The following SGCZ variants were observed in gnomAD, a reference collection of about 807,000 sequenced individuals.
SGCZ encodes sarcoglycan zeta.
A neutral mutation model predicts 41.3 loss-of-function variants in SGCZ; 40 were observed. That is an observed-to-expected ratio of 0.97 (90% CI 0.75 to 1.26). The LOEUF is 1.26. SGCZ is among the 50% of genes most tolerant of loss of function. The pLI is 0.00. For missense variants in SGCZ, 552 were observed against 369.8 expected (o/e 1.49, Z -4.04); for synonymous variants, 206 against 137.5 (o/e 1.50, Z -3.49).
intron 1 of SGCZ, among the ~76,000 whole-genome samples, chr8:14,862,503 C>T (rs543009300): frequency 5.7e-5 from 8 of 140,062 alleles, no homozygotes; most frequent in East Asian, 4.3e-4. Flanking sequence ...ATTTCCAAGT[C>T]GCCTTTTATG....
At chr8:14,403,130 C>A (rs1368061204) in intron 2 of SGCZ, among the ~76,000 whole-genome samples, 2 of 149,980 alleles carry the variant, frequency 1.3e-5, no homozygotes, top group African/African-American at 5.1e-5. Context: ...GATTTTTGTA[C>A]ATTGATTTTG....
intron 1 of SGCZ, among the ~76,000 whole-genome samples, chr8:14,726,181 C>T (rs1470208700): frequency 6.7e-6 from 1 of 150,350 alleles, no homozygotes; most frequent in Non-Finnish European, 1.5e-5. Flanking sequence ...ATCACTTGAA[C>T]CTGGGAGGGA....
chr8:15,136,563 G>C (rs780980392), intron 1 of SGCZ, among the ~76,000 whole-genome samples: 78 of 152,242 alleles, frequency 5.1e-4, no homozygotes, highest in Middle Eastern at 6.8e-3. Context: ...GGAGGAACCA[G>C]CTGGAGGTAA....
At chr8:15,106,347 A>G (rs1338472610) in intron 1 of SGCZ, among the ~76,000 whole-genome samples, 2 of 152,116 alleles carry the variant, frequency 1.3e-5, no homozygotes, top group Admixed American at 1.3e-4. Context: ...TTGACATTAT[A>G]TACATATTAC....
intron 4 of SGCZ, among the ~76,000 whole-genome samples, chr8:14,201,656 AG>A (rs1805459335): frequency 6.6e-6 from 1 of 152,184 alleles, no homozygotes; most frequent in Non-Finnish European, 1.5e-5. Context: ...TTGACTACCA[AG>A]GGGCATAATG....
intron 2 of SGCZ, among the ~76,000 whole-genome samples, chr8:14,485,973 C>A (rs1801662319): frequency 6.6e-6 from 1 of 151,808 alleles, no homozygotes; most frequent in South Asian, 2.1e-4. Context: ...TCCCGAGTAG[C>A]TGGGACTACA....
chr8:14,577,258 T>G (rs540713397), intron 1 of SGCZ, among the ~76,000 whole-genome samples: 1 of 152,346 alleles, frequency 6.6e-6, no homozygotes, highest in African/African-American at 2.4e-5. Flanking sequence ...TACTGCTGTT[T>G]TTCTGCTCGA....
At chr8:14,260,353 T>C (rs1421737062) in intron 3 of SGCZ, among the ~76,000 whole-genome samples, 7 of 149,700 alleles carry the variant, frequency 4.7e-5, no homozygotes, top group Admixed American at 1.3e-4. Flanking sequence ...ACAATGCTCA[T>C]CATCACTGGC....
intron 4 of SGCZ, among the ~76,000 whole-genome samples, chr8:14,203,691 G>A (rs1397130694): frequency 6.6e-6 from 1 of 152,140 alleles, no homozygotes; most frequent in Non-Finnish European, 1.5e-5. Context: ...ATTAAACATG[G>A]CCTTTATAGT....
chr8:14,481,485 T>C (rs976825686), intron 2 of SGCZ, among the ~76,000 whole-genome samples: 5 of 152,214 alleles, frequency 3.3e-5, no homozygotes, highest in African/African-American at 1.2e-4. Flanking sequence ...AAATAATTTT[T>C]ATCAATCTCA....
intron 1 of SGCZ, among the ~76,000 whole-genome samples, chr8:14,715,008 G>C (rs1367641083): frequency 6.6e-6 from 1 of 152,024 alleles, no homozygotes; most frequent in African/African-American, 2.4e-5. Context: ...CAATGGTCTG[G>C]TTTTGCCTAA....
intron 1 of SGCZ, among the ~76,000 whole-genome samples, chr8:14,567,909 C>G (rs1047374988): frequency 2.0e-5 from 3 of 152,184 alleles, no homozygotes; most frequent in Non-Finnish European, 2.9e-5. Flanking sequence ...CCGAACACAT[C>G]CAAACATCAG....
chr8:14,556,569 C>G (rs1200862447), intron 1 of SGCZ, among the ~76,000 whole-genome samples: 2 of 151,962 alleles, frequency 1.3e-5, no homozygotes, highest in East Asian at 1.9e-4. Flanking sequence ...CAATTTGTAG[C>G]CTTTTCTCGT....
intron 1 of SGCZ, among the ~76,000 whole-genome samples, chr8:14,747,691 A>ATTATTATTATG (rs571553565): frequency 7.6e-6 from 1 of 131,722 alleles, no homozygotes; most frequent in Non-Finnish European, 1.6e-5. Flanking sequence ...TATTATTATT[A>ATTATTATTATG]TGTGTGTGTG....
intron 1 of SGCZ, among the ~76,000 whole-genome samples, chr8:14,832,689 G>A (rs1388809243): frequency 6.6e-6 from 1 of 152,112 alleles, no homozygotes; most frequent in Non-Finnish European, 1.5e-5. Flanking sequence ...CAGAGTATAT[G>A]GGTGTGTTGA....
At chr8:14,822,054 T>C (rs1227504557) in intron 1 of SGCZ, among the ~76,000 whole-genome samples, 1 of 147,054 alleles carries the variant, frequency 6.8e-6, no homozygotes, top group African/African-American at 2.6e-5. Context: ...TGATTTTAAA[T>C]ATAAAAAACC....
At chr8:14,241,820 G>A (rs986695759) in intron 3 of SGCZ, among the ~76,000 whole-genome samples, 1 of 152,058 alleles carries the variant, frequency 6.6e-6, no homozygotes, top group African/African-American at 2.4e-5. Context: ...GGGCATGGCT[G>A]CAATTTTCTA....
chr8:14,803,556 C>G (rs2439724), intron 1 of SGCZ, among the ~76,000 whole-genome samples: 1 of 151,814 alleles, frequency 6.6e-6, no homozygotes, highest in East Asian at 2.0e-4. Flanking sequence ...GATTATATCC[C>G]GCACCCGGCT....
chr8:14,692,767 T>C (rs1299285835), intron 1 of SGCZ, among the ~76,000 whole-genome samples: 2 of 152,338 alleles, frequency 1.3e-5, no homozygotes, highest in East Asian at 1.9e-4. Flanking sequence ...ATTGTATCTT[T>C]CGGAGTTCAG....
Sources: gnomAD v4.1 joint callset for allele counts (sites outside exome capture counted in the v4.1 genomes callset) on GRCh38, gnomAD v4.1.1 for gene constraint, MANE v1.5 for transcripts, NCBI Gene and HGNC (gene_info 2026-07-23, HGNC 2026-07-21) for gene names.